SUGCT: variants seen among roughly 807,000 people sequenced by gnomAD.
SUGCT encodes succinyl-CoA:glutarate-CoA transferase, also known as succinyl-CoA:glutarate CoA-transferase.
Under a neutral mutation model 55.0 loss-of-function variants are expected in SUGCT, and 41 were observed. The ratio of observed to expected loss-of-function variants is 0.74; its 90% CI spans 0.58 to 0.97. SUGCT has a LOEUF of 0.97. Among genes scored for constraint, SUGCT ranks in the 50% least tolerant of loss-of-function variants. The pLI, the probability that SUGCT is intolerant of heterozygous loss-of-function variation, is 0.00. For synonymous variants in SUGCT, 187 were observed against 200.4 expected, an observed-to-expected ratio of 0.93 and a Z score of 0.56; for missense variants, 568 against 547.8, an observed-to-expected ratio of 1.04 and a Z score of -0.37.
intron 8 of SUGCT, among the ~76,000 whole-genome samples, chr7:40,315,763 C>G (rs1283268605): frequency 6.6e-6 from 1 of 152,158 alleles, no homozygotes; most frequent in Non-Finnish European, 1.5e-5. Context: ...ATCTGACGAT[C>G]TAGAAAGGGA....
intron 9 of SUGCT, among the ~76,000 whole-genome samples, chr7:40,380,513 G>T (rs1784817373): frequency 6.6e-6 from 1 of 152,142 alleles, no homozygotes; most frequent in Admixed American, 6.6e-5. Flanking sequence ...CCTCCGAGTT[G>T]CTGTTTACTG....
chr7:40,189,523 TA>T lies in SUGCT; in HGVS notation c.313-20del. 1 of 902,952 alleles carries T rather than the reference TA, an allele frequency of 1.1e-6. No individual in the cohort carries two copies. Among genetic ancestry groups the T allele is most frequent in the Non-Finnish European group, 1.5e-6 (1 of 669,698 alleles). The allele number at this position is 902,952 out of a possible 1,614,324, so 55.9% of individuals were successfully genotyped here. On this transcript the variant is annotated intron_variant, in intron 4 of 13. Transcript: ENST00000335693. ...TTTGGTCATCGAAATAATATATATA[TA>T]TATATTTTTTAATTTTTAGAGTATT...
the SUGCT span, among the ~76,000 whole-genome samples, chr7:40,995,188 A>AAGTCAAAG: frequency 6.6e-6 from 1 of 152,150 alleles, no homozygotes; most frequent in South Asian, 2.1e-4. Context: ...GATGACAAGG[A>AAGTCAAAG]AGTCAAAGAG....
intron 13 of SUGCT, among the ~76,000 whole-genome samples, chr7:40,813,731 T>C (rs1181868199): frequency 2.0e-5 from 3 of 152,206 alleles, no homozygotes; most frequent in African/African-American, 7.2e-5. Context: ...TAGGTTAATA[T>C]TGATAGATGA....
chr7:40,924,332 C>G, the SUGCT span, among the ~76,000 whole-genome samples: 4 of 149,600 alleles, frequency 2.7e-5, no homozygotes, highest in Non-Finnish European at 5.9e-5. Flanking sequence ...CCTCTGCCTC[C>G]CCAGCTCAAG....
chr7:40,166,836 G>A (rs529142649), intron 1 of SUGCT, among the ~76,000 whole-genome samples: 5 of 150,104 alleles, frequency 3.3e-5, no homozygotes, highest in South Asian at 2.1e-4. Context: ...GCAGTGAGCC[G>A]AGATTGCGCC....
At chr7:40,954,466 C>T in the SUGCT span, among the ~76,000 whole-genome samples, 3 of 152,178 alleles carry the variant, frequency 2.0e-5, no homozygotes, top group Non-Finnish European at 4.4e-5. Flanking sequence ...GTCCTGCACC[C>T]AGTGTCTGAC....
At chr7:40,787,970 C>A (rs754622201) in intron 13 of SUGCT, among the ~76,000 whole-genome samples, 2 of 152,098 alleles carry the variant, frequency 1.3e-5, no homozygotes, top group African/African-American at 4.8e-5. Flanking sequence ...TCTTTGCTGG[C>A]GAGGTGTTAG....
chr7:40,720,239 A>G (rs1045814719), intron 12 of SUGCT, among the ~76,000 whole-genome samples: 10 of 152,158 alleles, frequency 6.6e-5, no homozygotes, highest in African/African-American at 2.4e-4. Context: ...CTTATCTATT[A>G]ACCAAGGAAT....
chr7:40,803,450 A>G (rs1790924403), intron 13 of SUGCT, among the ~76,000 whole-genome samples: 1 of 152,154 alleles, frequency 6.6e-6, no homozygotes, highest in South Asian at 2.1e-4. Context: ...GCCAGATTCA[A>G]GCCCATTTTT....
At chr7:40,543,139 G>A (rs949988608) in intron 12 of SUGCT, among the ~76,000 whole-genome samples, 3 of 152,022 alleles carry the variant, frequency 2.0e-5, no homozygotes, top group African/African-American at 7.2e-5. Flanking sequence ...CCTTTTTCTG[G>A]CATCTCTACC....
intron 9 of SUGCT, among the ~76,000 whole-genome samples, chr7:40,410,268 C>T (rs1241304578): frequency 6.6e-6 from 1 of 152,054 alleles, no homozygotes; most frequent in Non-Finnish European, 1.5e-5. Flanking sequence ...TCAATTATTA[C>T]TTTAAATCCA....
chr7:40,216,091 C>G (rs1787616471), intron 6 of SUGCT, among the ~76,000 whole-genome samples: 2 of 149,868 alleles, frequency 1.3e-5, no homozygotes, highest in Non-Finnish European at 1.5e-5. Context: ...ACTTACAGCT[C>G]TCATCCACAG....
rs545431901 is a variant in SUGCT at position 40,758,146 on chromosome 7, G to T, written c.1153+8649G>T. Among the ~76,000 whole-genome samples, 12 of 151,760 alleles carry T rather than the reference G, an allele frequency of 7.9e-5. No homozygotes were observed. The South Asian group carries it at 2.5e-3, about 32-fold the overall frequency. ...CTAGGAGTGAGTTGCTTGGCTTTAT[G>T]GTTGGGTTTATTCATGGTTGGACAG... On this transcript the variant is annotated intron_variant, in intron 13 of 13. Coordinates refer to ENST00000335693, the MANE Select transcript of SUGCT (RefSeq NM_001193313.2).
chr7:40,172,045 C>T (rs1029976387), intron 1 of SUGCT, among the ~76,000 whole-genome samples: 11 of 152,242 alleles, frequency 7.2e-5, no homozygotes, highest in South Asian at 2.1e-4. Context: ...TTTGGGAACA[C>T]GGTGGAAGGA....
At chr7:40,883,766 G>A in the SUGCT span, among the ~76,000 whole-genome samples, 1 of 152,122 alleles carries the variant, frequency 6.6e-6, no homozygotes, top group African/African-American at 2.4e-5. Context: ...CTTCCCATGT[G>A]TTTTACTATA....
chr7:40,840,361 A>G (rs1336904917), intron 13 of SUGCT, among the ~76,000 whole-genome samples: 1 of 152,176 alleles, frequency 6.6e-6, no homozygotes, highest in African/African-American at 2.4e-5. Context: ...CCACAAAATC[A>G]TAGAATATGT....
chr7:40,924,175 A>G, the SUGCT span, among the ~76,000 whole-genome samples: 23 of 152,050 alleles, frequency 1.5e-4, no homozygotes, highest in Non-Finnish European at 1.3e-4. Flanking sequence ...TATTGTTTAT[A>G]TGTTATCCAG....
chr7:40,290,370 A>G (rs1345100539), intron 8 of SUGCT, among the ~76,000 whole-genome samples: 3 of 152,352 alleles, frequency 2.0e-5, no homozygotes, highest in East Asian at 3.9e-4. Context: ...CAACCATCTG[A>G]TCTTTGACAA....
Sources: gnomAD v4.1 joint callset for allele counts (sites outside exome capture counted in the v4.1 genomes callset) on GRCh38, gnomAD v4.1.1 for gene constraint, MANE v1.5 for transcripts, NCBI Gene and HGNC (gene_info 2026-07-23, HGNC 2026-07-21) for gene names.